SLC24A3: variants seen among roughly 807,000 people sequenced by gnomAD.
The protein encoded by SLC24A3 is solute carrier family 24 member 3, also known as sodium/potassium/calcium exchanger 3.
Under a neutral mutation model 75.8 loss-of-function variants are expected in SLC24A3, and 28 were observed. The observed-to-expected ratio is 0.37, with a 90% CI of 0.27 to 0.51. The LOEUF is 0.51. SLC24A3 is among the 20% of genes least tolerant of loss of function. The pLI, the probability that SLC24A3 is intolerant of heterozygous loss-of-function variation, is 0.94. For missense variants in SLC24A3, 663 were observed against 847.8 expected, an observed-to-expected ratio of 0.78 and a Z score of 2.71; for synonymous variants, 372 against 334.1, an observed-to-expected ratio of 1.11 and a Z score of -1.24.
intron 2 of SLC24A3, among the ~76,000 whole-genome samples, chr20:19,449,189 G>A (rs903040740): frequency 6.7e-6 from 1 of 150,082 alleles, no homozygotes; most frequent in African/African-American, 2.5e-5. Context: ...AGTGGTGGCT[G>A]CAGGCAGAGT....
intron 1 of SLC24A3, among the ~76,000 whole-genome samples, chr20:19,238,511 G>A (rs1219488333): frequency 6.6e-6 from 1 of 152,218 alleles, no homozygotes; most frequent in Non-Finnish European, 1.5e-5. Flanking sequence ...GGGATGCTAT[G>A]TTCGGCTGCA....
chr20:19,424,713 A>G (rs1986970774), intron 2 of SLC24A3, among the ~76,000 whole-genome samples: 1 of 136,782 alleles, frequency 7.3e-6, no homozygotes, highest in Non-Finnish European at 1.5e-5. Flanking sequence ...TGGGCAACAG[A>G]GTGAGACCCT....
chr20:19,265,566 G>A (rs562780717), intron 1 of SLC24A3, among the ~76,000 whole-genome samples: 1 of 152,282 alleles, frequency 6.6e-6, no homozygotes, highest in Non-Finnish European at 1.5e-5. Context: ...GAGCTTCTCA[G>A]GTGCTCTTAG....
At chr20:19,280,434 G>T (rs933553237) in intron 1 of SLC24A3, among the ~76,000 whole-genome samples, 1 of 152,134 alleles carries the variant, frequency 6.6e-6, no homozygotes, top group African/African-American at 2.4e-5. Context: ...GGAGATACTG[G>T]CAGGGGCTAG....
In SLC24A3 at chr20:19,548,548, A is replaced by G. The variant is rs76296130; in HGVS notation, c.349-31452A>G. 2.5e-3 allele frequency among the ~76,000 whole-genome samples: 377 copies of G among 152,328 alleles called. 1 individual carries two copies. The highest frequency in any genetic ancestry group is 8.6e-3 in the African/African-American group (359 of 41,582). On this transcript the variant is annotated intron_variant, in intron 3 of 16. Coordinates refer to ENST00000328041, the MANE Select transcript of SLC24A3 (RefSeq NM_020689.4). The stretch of plus-strand genomic sequence containing the variant: ...GCAACCATTTATCATCTCAGATGTC[A>G]GACACAGCATGATTGGGTTCTCTGC...
chr20:19,600,513 T>C (rs2031515297), intron 6 of SLC24A3, among the ~76,000 whole-genome samples: 1 of 152,242 alleles, frequency 6.6e-6, no homozygotes, highest in Admixed American at 6.5e-5. Flanking sequence ...GAAGTGCTAC[T>C]CTACAAGTTT....
At chr20:19,332,396 T>C (rs975197510) in intron 2 of SLC24A3, among the ~76,000 whole-genome samples, 9 of 152,074 alleles carry the variant, frequency 5.9e-5, no homozygotes, top group African/African-American at 2.2e-4. Flanking sequence ...ATGGGGTTGA[T>C]GTCTTTAGGA....
intron 2 of SLC24A3, among the ~76,000 whole-genome samples, chr20:19,422,239 G>A (rs1471183653): frequency 6.6e-6 from 1 of 152,146 alleles, no homozygotes; most frequent in Non-Finnish European, 1.5e-5. Flanking sequence ...AGACCATCTT[G>A]GCCACAGTGC....
At chr20:19,519,502 A>C (rs2030062705) in intron 3 of SLC24A3, among the ~76,000 whole-genome samples, 1 of 152,230 alleles carries the variant, frequency 6.6e-6, no homozygotes, top group South Asian at 2.1e-4. Flanking sequence ...CTTTTTAAAA[A>C]AGGTTTCTGT....
At chr20:19,251,352 A>G (rs971946536) in intron 1 of SLC24A3, among the ~76,000 whole-genome samples, 1 of 152,234 alleles carries the variant, frequency 6.6e-6, no homozygotes, top group Non-Finnish European at 1.5e-5. Context: ...AAGAAGCCAC[A>G]GACAGGGAAG....
At chr20:19,246,192 C>G (rs1319343767) in intron 1 of SLC24A3, among the ~76,000 whole-genome samples, 1 of 151,992 alleles carries the variant, frequency 6.6e-6, no homozygotes, top group African/African-American at 2.4e-5. Flanking sequence ...TATATATTAT[C>G]TTATGCTTTA....
rs138450837 is a variant in SLC24A3, at chr20:19,384,516, T to A, written c.271+103429T>A. ...TAGCAAACAAAGAATTTCCTTCTTT[T>A]TTAAGGCTGAATAGTATTCCATTGT... On this transcript the variant is annotated intron_variant, in intron 2 of 16. Transcript: ENST00000328041. Among the ~76,000 whole-genome samples the A allele has an allele frequency of 3.9e-4, 59 of 152,344 alleles. No individual in the cohort carries two copies. The East Asian group carries it at 0.011, about 28-fold the overall frequency.
intron 1 of SLC24A3, among the ~76,000 whole-genome samples, chr20:19,216,294 A>AT (rs11476306): frequency 0.018 from 2,696 of 151,986 alleles, 38 homozygotes; most frequent in Middle Eastern, 0.034. Flanking sequence ...CTACCCAGCC[A>AT]TTTTTTTTCC....
At chr20:19,337,219 C>T (rs938701510) in intron 2 of SLC24A3, among the ~76,000 whole-genome samples, 35 of 152,188 alleles carry the variant, frequency 2.3e-4, no homozygotes, top group African/African-American at 3.6e-4. Flanking sequence ...CTGAGGCGAG[C>T]GGATCACTTG....
intron 13 of SLC24A3, among the ~76,000 whole-genome samples, chr20:19,696,019 T>C (rs1037640059): frequency 1.5e-5 from 2 of 136,926 alleles, no homozygotes; most frequent in Middle Eastern, 3.5e-3. Flanking sequence ...CCTTTTCTTT[T>C]TTTTTTTTTT....
intron 2 of SLC24A3, among the ~76,000 whole-genome samples, chr20:19,344,605 G>A (rs1023424179): frequency 6.6e-6 from 1 of 152,218 alleles, no homozygotes; most frequent in Non-Finnish European, 1.5e-5. Context: ...GGCTTGGGAG[G>A]CGGGGAGGAC....
chr20:19,613,559 G>A (rs906437662), intron 6 of SLC24A3, among the ~76,000 whole-genome samples: 2 of 152,230 alleles, frequency 1.3e-5, no homozygotes, highest in East Asian at 1.9e-4. Context: ...TCTATTCCCC[G>A]TTTTAATCAA....
chr20:19,604,948 T>C (rs2122656878), intron 6 of SLC24A3, among the ~76,000 whole-genome samples: 1 of 152,308 alleles, frequency 6.6e-6, no homozygotes, highest in South Asian at 2.1e-4. Flanking sequence ...AGCATTCCCC[T>C]CTTACAGGTG....
At chr20:19,524,443 T>A (rs748851826) in intron 3 of SLC24A3, among the ~76,000 whole-genome samples, 2 of 152,196 alleles carry the variant, frequency 1.3e-5, no homozygotes, top group Non-Finnish European at 2.9e-5. Flanking sequence ...GGGAATGAGC[T>A]TTGAAGTAGA....
Sources: allele counts gnomAD v4.1 joint callset (sites outside exome capture counted in the v4.1 genomes callset), GRCh38; gene constraint gnomAD v4.1.1; transcripts MANE v1.5; gene names NCBI Gene and HGNC (gene_info 2026-07-23, HGNC 2026-07-21).